SEC11A: variants seen among roughly 807,000 people sequenced by gnomAD.
SEC11A encodes signal peptidase complex catalytic subunit SEC11A.
In SEC11A, 14 loss-of-function variants were observed where a neutral mutation model predicts 25.6. The ratio of observed to expected loss-of-function variants is 0.55; its 90% CI spans 0.36 to 0.85. The LOEUF is 0.85. Ranked by LOEUF, SEC11A falls within the 40% of genes least tolerant of loss-of-function variation. SEC11A has a pLI of 0.01. For synonymous variants in SEC11A, 83 were observed against 76.4 expected, an observed-to-expected ratio of 1.09 and a Z score of -0.45; for missense variants, 153 against 222.9, an observed-to-expected ratio of 0.69 and a Z score of 2.00.
chr15:84,710,774 T>C (rs1433277057), intron 1 of SEC11A, among the ~76,000 whole-genome samples: 1 of 152,198 alleles, frequency 6.6e-6, no homozygotes, highest in Non-Finnish European at 1.5e-5. Flanking sequence ...TAACTCTAAA[T>C]AGGTTTTTCT....
intron 1 of SEC11A, chr15:84,714,676 T>C (rs960876489): frequency 1.3e-5 from 2 of 152,202 alleles, no homozygotes; most frequent in African/African-American, 4.8e-5. Context: ...CTATACTGTA[T>C]TGCTTCTCAC....
At chr15:84,712,564 C>T (rs1353389781) in intron 1 of SEC11A, among the ~76,000 whole-genome samples, 4 of 151,536 alleles carry the variant, frequency 2.6e-5, no homozygotes, top group African/African-American at 7.3e-5. Flanking sequence ...TCTCCTGCCT[C>T]AGCCTCCTGA....
chr15:84,682,097 G>C (rs1897296222), intron 3 of SEC11A, among the ~76,000 whole-genome samples: 1 of 152,058 alleles, frequency 6.6e-6, no homozygotes. Flanking sequence ...GAAGAGGTGG[G>C]AGTAGAGATG....
At chr15:84,687,926 A>C (rs946946301) in intron 2 of SEC11A, among the ~76,000 whole-genome samples, 152 bp from the exon 3 acceptor site, 2 of 152,248 alleles carry the variant, frequency 1.3e-5, no homozygotes, top group African/African-American at 4.8e-5. Flanking sequence ...TTGTTCTCAA[A>C]ATATGGTTTC....
intron 1 of SEC11A, among the ~76,000 whole-genome samples, chr15:84,705,758 G>A (rs1201809256): frequency 1.3e-5 from 2 of 151,532 alleles, no homozygotes; most frequent in Non-Finnish European, 2.9e-5. Flanking sequence ...AGGAGACTGA[G>A]GCAGGAGAAC....
chr15:84,699,309 T>C (rs1430385485), intron 1 of SEC11A, among the ~76,000 whole-genome samples: 1 of 133,686 alleles, frequency 7.5e-6, no homozygotes, highest in Non-Finnish European at 1.6e-5. Flanking sequence ...AGCAAGACTC[T>C]TGTCTCCAAA....
At chr15:84,690,243 G>A (rs527680971) in intron 2 of SEC11A, among the ~76,000 whole-genome samples, 2 of 152,146 alleles carry the variant, frequency 1.3e-5, no homozygotes, top group African/African-American at 2.4e-5. Flanking sequence ...CACGAGATCT[G>A]ATGGTTTTAA....
At chr15:84,678,588 A>G (rs934083532) in intron 4 of SEC11A, among the ~76,000 whole-genome samples, 1 of 152,218 alleles carries the variant, frequency 6.6e-6, no homozygotes, top group African/African-American at 2.4e-5. Flanking sequence ...TATGATGATA[A>G]ATATATTGAT....
intron 3 of SEC11A, chr15:84,686,681 C>T (rs908266159): frequency 6.6e-6 from 1 of 152,156 alleles, no homozygotes; most frequent in Non-Finnish European, 1.5e-5. Flanking sequence ...TACAGGATGC[C>T]TCCCTTTTCT....
rs1292163416 is a variant in SEC11A, at chr15:84,684,112, G to A, written c.312-3280C>T. ...ATCTGCATGGGAAAAGCAAAGCTAA[G>A]GATTAAGTCACCCAATGGTAAAATT... On this transcript the variant is annotated intron_variant, in intron 3 of 5. Transcript: ENST00000268220. Among the ~76,000 whole-genome samples the A allele has an allele frequency of 2.0e-5, 3 of 152,164 alleles. No individual in the cohort carries two copies. In the East Asian group the frequency reaches 5.8e-4, roughly 29 times the overall value.
intron 3 of SEC11A, 47 bp from the exon 4 acceptor site, chr15:84,680,879 T>C: frequency 6.5e-7 from 1 of 1,536,748 alleles, no homozygotes; most frequent in Non-Finnish European, 8.8e-7. Context: ...CTTCATGGCA[T>C]TTAAAGCACA....
chr15:84,687,760 G>A lies in SEC11A; in HGVS notation c.176C>T (p.Pro59Leu). 1 of 1,594,268 alleles carries A rather than the reference G, an allele frequency of 6.3e-7. No homozygotes were observed. Among genetic ancestry groups the A allele is most frequent in the South Asian group, 1.2e-5 (1 of 86,632 alleles). ...GAGAAGATCTCCTCTATGAAATGCA[G>A]GTTCCATGCTGCCACTGGAAGGGAA... ...IVVVLSGSME[P>L]AFHRGDLLFL... Residue 59 changes from proline (P) to leucine (L), a missense_variant, in exon 3 of 6, where the codon CCT becomes CTT. By Grantham distance (98) the Pro-to-Leu change is moderately conservative (BLOSUM62 -3). Coordinates refer to ENST00000268220, the MANE Select transcript of SEC11A (RefSeq NM_014300.4).
chr15:84,715,751 A>G (rs896462932), intron 1 of SEC11A, among the ~76,000 whole-genome samples: 6 of 152,222 alleles, frequency 3.9e-5, no homozygotes, highest in African/African-American at 1.2e-4. Flanking sequence ...TCAAGCGCGT[A>G]CGGTTTCCAT....
chr15:84,708,932 A>C (rs1160880974), intron 1 of SEC11A, among the ~76,000 whole-genome samples: 1 of 152,206 alleles, frequency 6.6e-6, no homozygotes, highest in Non-Finnish European at 1.5e-5. Context: ...AGGACTTTAC[A>C]TTTAGGCAGG....
chr15:84,669,919 C>G lies in SEC11A; in HGVS notation c.*100G>C. On this transcript the variant is annotated 3_prime_UTR_variant, in exon 6 of 6. Coordinates refer to ENST00000268220, the MANE Select transcript of SEC11A (RefSeq NM_014300.4). ...AACCAGTGCTACCCAGAAGCACCAA[C>G]ACGTGTGTTCTCCATTCCACCAATC... 6.3e-7 allele frequency: 1 copy of G among 1,591,744 alleles called. No individual in the cohort carries two copies. Among genetic ancestry groups the G allele is most frequent in the Non-Finnish European group, 8.6e-7 (1 of 1,169,224 alleles).
chr15:84,710,288 T>C (rs2141926769), intron 1 of SEC11A, among the ~76,000 whole-genome samples: 1 of 152,288 alleles, frequency 6.6e-6, no homozygotes, highest in Admixed American at 6.5e-5. Context: ...TTTATAAAGT[T>C]TAATTATTTT....
At chr15:84,690,151 G>A (rs1037656283) in intron 2 of SEC11A, among the ~76,000 whole-genome samples, 2 of 152,098 alleles carry the variant, frequency 1.3e-5, no homozygotes, top group African/African-American at 4.8e-5. Flanking sequence ...ATTCCCACGT[G>A]TTTTGGGAGG....
At chr15:84,685,140 T>A (rs966225758) in intron 3 of SEC11A, among the ~76,000 whole-genome samples, 3 of 152,218 alleles carry the variant, frequency 2.0e-5, no homozygotes, top group Non-Finnish European at 2.9e-5. Context: ...ATCATCAGAA[T>A]TCTGTACAAA....
intron 1 of SEC11A, among the ~76,000 whole-genome samples, chr15:84,715,665 G>C (rs1242080866): frequency 6.6e-6 from 1 of 152,178 alleles, no homozygotes; most frequent in Non-Finnish European, 1.5e-5. Flanking sequence ...AAACCACCTG[G>C]AGTCGCTCCG....
Sources: allele counts gnomAD v4.1 joint callset (sites outside exome capture counted in the v4.1 genomes callset), GRCh38; gene constraint gnomAD v4.1.1; transcripts MANE v1.5; gene names NCBI Gene and HGNC (gene_info 2026-07-23, HGNC 2026-07-21).